CTR9: variants seen among roughly 807,000 people sequenced by gnomAD.
CTR9 encodes CTR9 component of Paf1/RNA polymerase II complex, also known as RNA polymerase-associated protein CTR9 homolog.
A neutral mutation model predicts 152.1 loss-of-function variants in CTR9; 41 were observed. The observed-to-expected ratio is 0.27, with a 90% confidence interval of 0.21 to 0.35. CTR9 has a LOEUF of 0.35. CTR9 is among the 10% of genes least tolerant of loss of function. CTR9 has a pLI of 1.00. For missense variants in CTR9, 917 were observed against 1,424.4 expected, an observed-to-expected ratio of 0.64 and a Z score of 5.73; for synonymous variants, 476 against 496.2, an observed-to-expected ratio of 0.96 and a Z score of 0.54.
In CTR9 at chr11:10,774,014, T is replaced by C; in HGVS notation, c.2730T>C (p.Arg910=). ...CTATAGTGTTGTTTGGATTTTAGCG[T>C]TCTAAGAAGGGAGGAGAGTTTGATG... ...EKKRGGGGGR[R]SKKGGEFDEF... Residue 910 remains arginine, a splice_region_variant and synonymous_variant, in exon 22 of 25, where the codon CGT becomes CGC. Coordinates refer to ENST00000361367, the MANE Select transcript of CTR9 (RefSeq NM_014633.5). The C allele has an allele frequency of 3.1e-6, 5 of 1,608,920 alleles. No homozygotes were observed. Among genetic ancestry groups the C allele is most frequent in the Non-Finnish European group, 4.2e-6 (5 of 1,177,710 alleles).
At chr11:10,757,807 T>TAAGCTAC (rs1319093802) in intron 5 of CTR9, among the ~76,000 whole-genome samples, 5 of 152,078 alleles carry the variant, frequency 3.3e-5, no homozygotes, top group Admixed American at 3.3e-4. Flanking sequence ...GTATGATGTG[T>TAAGCTAC]AAGCTACCAG....
rs775908081 is a variant in CTR9, at chr11:10,779,075, C to T, written c.3492C>T (p.Gly1164=). 1.2e-6 allele frequency: 2 copies of T among 1,614,024 alleles called. No homozygotes were observed. Among genetic ancestry groups the T allele is most frequent in the Admixed American group, 3.3e-5 (2 of 60,024 alleles). Residue 1164 remains glycine, a synonymous_variant, in exon 25 of 25, where the codon GGC becomes GGT. Transcript: ENST00000361367. Reference sequence around the variant, plus strand: ...CCAACAATGAGGCCTCAGATAGAGGCTCAGAACATGGGTCAGATGATAGTG... The same window carrying T: ...CCAACAATGAGGCCTCAGATAGAGGTTCAGAACATGGGTCAGATGATAGTG... ...EGSNNEASDR[G]SEHGSDDSD
At position 10,773,319 on chromosome 11, in the gene CTR9, T is replaced by G. The variant is rs779683135; in HGVS notation, c.2727+46T>G. ...GCACAAGTGACCTCATTCTCTGTCTTTTGGCTTTGAGAAATGAGGATAATT... is the reference window on the plus strand; with the variant it reads ...GCACAAGTGACCTCATTCTCTGTCTGTTGGCTTTGAGAAATGAGGATAATT... On this transcript the variant is annotated intron_variant, in intron 21 of 24. Coordinates refer to ENST00000361367, the MANE Select transcript of CTR9 (RefSeq NM_014633.5). The G allele has an allele frequency of 1.9e-6, 3 of 1,589,882 alleles. No individual in the cohort carries two copies. In the South Asian group the frequency reaches 3.5e-5, roughly 19 times the overall value.
intron 12 of CTR9, among the ~76,000 whole-genome samples, chr11:10,765,965 T>C (rs1863052981): frequency 6.6e-6 from 1 of 152,102 alleles, no homozygotes; most frequent in Non-Finnish European, 1.5e-5. Flanking sequence ...TATTAATTAA[T>C]GGAAGAACCC....
chr11:10,763,771 G>T lies in CTR9; in HGVS notation c.1086G>T (p.Gln362His). The T allele has an allele frequency of 6.2e-7, 1 of 1,613,966 alleles. No individual in the cohort carries two copies. Among genetic ancestry groups the T allele is most frequent in the Non-Finnish European group, 8.5e-7 (1 of 1,179,940 alleles). ...GAGGTGACAAAGAAAATGCATCTCA[G>T]TGCTTTGAGAAGGTTTTGAAAGCTT... The part of the protein sequence containing the change: ...IYRGDKENAS[Q>H]CFEKVLKAYP... The change falls in exon 9 of 25, where the codon CAG becomes CAT. Residue 362 changes from glutamine (Q) to histidine (H), a missense_variant. Transcript: ENST00000361367.
intron 24 of CTR9, among the ~76,000 whole-genome samples, chr11:10,777,405 C>CA (rs756666055): frequency 0.017 from 2,544 of 147,274 alleles, 33 homozygotes; most frequent in African/African-American, 0.035. Flanking sequence ...GCAAAATAAA[C>CA]AAACAAAAAA....
chr11:10,757,337 C>G (rs566391149), intron 5 of CTR9, among the ~76,000 whole-genome samples: 1 of 151,166 alleles, frequency 6.6e-6, no homozygotes, highest in South Asian at 2.1e-4. Flanking sequence ...CACCTGTAAT[C>G]TCAGCACTTT....
chr11:10,775,356 A>G, intron 23 of CTR9, 53 bp downstream of exon 23: 4 of 1,493,334 alleles, frequency 2.7e-6, no homozygotes, highest in Non-Finnish European at 3.7e-6. Context: ...GAAAGATTGC[A>G]GTACACTAGA....
intron 11 of CTR9, 21 bp from the exon 12 acceptor site, chr11:10,764,527 T>C (rs747888440): frequency 1.2e-6 from 2 of 1,603,824 alleles, no homozygotes; most frequent in South Asian, 2.2e-5. Flanking sequence ...CTTTTAACAG[T>C]GTGATTTTTC....
chr11:10,775,115 G>T, intron 22 of CTR9, 92 bp from the exon 23 acceptor site: 1 of 977,528 alleles, frequency 1.0e-6, no homozygotes, highest in Non-Finnish European at 1.6e-6. Context: ...TATAGAAGAG[G>T]ATTCAGAATG....
intron 18 of CTR9, 77 bp from the exon 19 acceptor site, chr11:10,771,468 C>G: frequency 9.3e-7 from 1 of 1,070,464 alleles, no homozygotes; most frequent in Non-Finnish European, 1.4e-6. Flanking sequence ...CTTTGTAGCA[C>G]AGATTAAATT....
In CTR9 at chr11:10,768,408, G is replaced by T; in HGVS notation, c.2026G>T (p.Ala676Ser). Residue 676 changes from alanine (A) to serine (S), a missense_variant, in exon 16 of 25, where the codon GCA becomes TCA. Physicochemically the swap from Ala to Ser is moderately conservative, Grantham distance 99 (BLOSUM62 1). Transcript: ENST00000361367. ...TGATGTATTTGCCCAAGTAAGAGAA[G>T]CAACAGCAGATATTAGTGATGTGTG... Reference protein sequence around the residue: ...ARDVFAQVREATADISDVWLN... With the variant: ...ARDVFAQVRESTADISDVWLN... 4 of 1,614,132 alleles carry T rather than the reference G, an allele frequency of 2.5e-6. No individual in the cohort carries two copies. The highest frequency in any genetic ancestry group is 2.5e-6 in the Non-Finnish European group (3 of 1,180,016).
chr11:10,763,047 A>G (rs1042109677), intron 7 of CTR9, among the ~76,000 whole-genome samples: 1 of 151,236 alleles, frequency 6.6e-6, no homozygotes, highest in African/African-American at 2.4e-5. Flanking sequence ...TTACTTATGT[A>G]ATCTTCACAA....
chr11:10,763,333 A>G, intron 7 of CTR9, 98 bp from the exon 8 acceptor site: 1 of 787,286 alleles, frequency 1.3e-6, no homozygotes, highest in Non-Finnish European at 2.2e-6. Context: ...GAAGATGGAA[A>G]TGTATCTTAC....
rs751774294 is a variant in CTR9, at chr11:10,773,243, A to G, written c.2697A>G (p.Lys899=). 2 of 1,612,958 alleles carry G rather than the reference A, an allele frequency of 1.2e-6. No individual in the cohort carries two copies. Among genetic ancestry groups the G allele is most frequent in the Non-Finnish European group, 1.7e-6 (2 of 1,179,766 alleles). The change falls in exon 21 of 25, where the codon AAA becomes AAG. Residue 899 remains lysine (K), a synonymous_variant. Transcript: ENST00000361367. ...LMFTGETEAT[K]EKKRGGGGGR... is the part of the protein sequence containing the mutation. ...TTACTGGTGAGACTGAAGCAACAAAAGAGAAGAAAAGAGGTGGTGGTGGTG... is the reference window on the plus strand; with the variant it reads ...TTACTGGTGAGACTGAAGCAACAAAGGAGAAGAAAAGAGGTGGTGGTGGTG...
In CTR9 at chr11:10,779,440, C is replaced by T. The variant is rs1285278060; in HGVS notation, c.*335C>T. ...CTCATCTTCTTTATATGTTAAGCAG[C>T]ATACTCTTCTGATTTTTATTGCAAT... On this transcript the variant is annotated 3_prime_UTR_variant, in exon 25 of 25. Transcript: ENST00000361367. 1.5e-5 allele frequency: 3 copies of T among 203,584 alleles called. No homozygotes were observed. Among genetic ancestry groups the T allele is most frequent in the Non-Finnish European group, 3.0e-5 (3 of 99,758 alleles). 12.6% of individuals were successfully genotyped at this position (203,584 alleles called of 1,614,324 possible). A position where few individuals can be genotyped will look rare whatever the true frequency, so the allele number is the denominator to read the frequency against.
intron 16 of CTR9, 103 bp from the exon 17 acceptor site, chr11:10,770,105 AAC>A: frequency 1.4e-6 from 1 of 721,726 alleles, no homozygotes. Flanking sequence ...CAAAGGGTAA[AAC>A]ACCTTTTTAC....
chr11:10,770,424 T>A, intron 17 of CTR9, 63 bp from the exon 18 acceptor site: 2 of 1,587,582 alleles, frequency 1.3e-6, no homozygotes, highest in Non-Finnish European at 1.7e-6. Context: ...TTAATAATAC[T>A]CTGCTGTCTA....
chr11:10,752,810 A>G (rs1220890156), intron 2 of CTR9, 40 bp downstream of exon 2: 1 of 1,486,968 alleles, frequency 6.7e-7, no homozygotes, highest in Non-Finnish European at 9.4e-7. Flanking sequence ...TTTGTTGACT[A>G]GGAAAATATG....
Sources: allele counts gnomAD v4.1 joint callset (sites outside exome capture counted in the v4.1 genomes callset), GRCh38; gene constraint gnomAD v4.1.1; transcripts MANE v1.5; gene names NCBI Gene and HGNC (gene_info 2026-07-23, HGNC 2026-07-21).